Variants in SCAPER observed in about 807,000 individuals in gnomAD.
The protein encoded by SCAPER is S-phase cyclin A associated protein in the ER.
A neutral mutation model predicts 182.2 loss-of-function variants in SCAPER; 98 were observed. That is an observed-to-expected ratio of 0.54 (90% CI 0.46 to 0.64). The LOEUF is 0.64. SCAPER is among the 30% of genes least tolerant of loss of function. The probability of loss-of-function intolerance (pLI) is 0.00; values close to 1 mark genes in which losing one functional copy is unlikely to be tolerated. For missense variants in SCAPER, 1,432 were observed against 1,690.0 expected (o/e 0.85, Z 2.68); for synonymous variants, 605 against 564.6 (o/e 1.07, Z -1.01).
At chr15:76,702,008 A>G (rs77184797) in intron 19 of SCAPER, 143 bp from the exon 20 acceptor site, 12 of 523,392 alleles carry the variant, frequency 2.3e-5, no homozygotes, top group Middle Eastern at 4.6e-4. Context: ...TCCTCAGAAC[A>G]TAATTCTGAG....
At chr15:76,591,344 T>C (rs1456730000) in intron 22 of SCAPER, among the ~76,000 whole-genome samples, 10 of 152,154 alleles carry the variant, frequency 6.6e-5, no homozygotes, top group Non-Finnish European at 1.3e-4. Flanking sequence ...ATTACATATA[T>C]ACAATGTCAT....
intron 27 of SCAPER, among the ~76,000 whole-genome samples, chr15:76,400,796 G>A (rs1335399467): frequency 4.6e-5 from 7 of 152,030 alleles, no homozygotes; most frequent in Admixed American, 4.6e-4. Flanking sequence ...AATTATAATG[G>A]AGATAAATAG....
chr15:76,868,294 G>A (rs1287656706), intron 2 of SCAPER, among the ~76,000 whole-genome samples: 2 of 152,138 alleles, frequency 1.3e-5, no homozygotes, highest in African/African-American at 4.8e-5. Flanking sequence ...TCGAGAGGCA[G>A]AGGCAGGAGA....
chr15:76,439,713 G>C (rs2047433988), intron 25 of SCAPER, among the ~76,000 whole-genome samples: 1 of 152,112 alleles, frequency 6.6e-6, no homozygotes, highest in African/African-American at 2.4e-5. Flanking sequence ...CCTGAGTCTG[G>C]AACACATTCC....
At chr15:76,723,928 G>A (rs1416258869) in intron 17 of SCAPER, among the ~76,000 whole-genome samples, 1 of 152,110 alleles carries the variant, frequency 6.6e-6, no homozygotes, top group African/African-American at 2.4e-5. Context: ...TTACATTTAA[G>A]GTTAGTATTG....
intron 2 of SCAPER, among the ~76,000 whole-genome samples, chr15:76,878,216 A>G (rs907057031): frequency 1.3e-5 from 2 of 152,194 alleles, no homozygotes; most frequent in African/African-American, 4.8e-5. Context: ...TATATATCAT[A>G]TATGGATGTA....
chr15:76,415,567 A>C (rs2045589354), intron 26 of SCAPER, among the ~76,000 whole-genome samples: 1 of 152,236 alleles, frequency 6.6e-6, no homozygotes, highest in African/African-American at 2.4e-5. Flanking sequence ...CAACATAAAT[A>C]AATATAAAAA....
chr15:76,632,583 C>A (rs1356601548), intron 21 of SCAPER, among the ~76,000 whole-genome samples: 2 of 152,162 alleles, frequency 1.3e-5, no homozygotes, highest in Admixed American at 1.3e-4. Context: ...TATTACCCAT[C>A]TTCTGAAGCC....
chr15:76,527,554 T>C (rs1229878003), intron 23 of SCAPER, among the ~76,000 whole-genome samples: 2 of 152,362 alleles, frequency 1.3e-5, no homozygotes, highest in East Asian at 3.9e-4. Flanking sequence ...CCTATTAAGC[T>C]GCTGTAATCA....
intron 3 of SCAPER, 110 bp from the exon 4 acceptor site, chr15:76,857,989 G>T (rs2071551693): frequency 4.1e-6 from 3 of 729,412 alleles, no homozygotes; most frequent in Non-Finnish European, 6.7e-6. Flanking sequence ...AATCATTCAG[G>T]CATACTAACA....
intron 17 of SCAPER, among the ~76,000 whole-genome samples, chr15:76,710,686 G>A (rs1363180815): frequency 1.3e-5 from 2 of 152,064 alleles, no homozygotes; most frequent in African/African-American, 4.8e-5. Context: ...ATATTGTAAA[G>A]ATGTCAATCT....
At chr15:76,826,069 T>A (rs895888208) in intron 5 of SCAPER, among the ~76,000 whole-genome samples, 1 of 152,134 alleles carries the variant, frequency 6.6e-6, no homozygotes, top group African/African-American at 2.4e-5. Context: ...TTTTCTATGT[T>A]GCAGTCATTA....
Position 76,774,866 on chromosome 15 carries a change from C to T in SCAPER, c.1024G>A (p.Glu342Lys), listed in dbSNP as rs777600548. The T allele has an allele frequency of 5.0e-6, 8 of 1,607,530 alleles. No homozygotes were observed. The highest frequency in any genetic ancestry group is 5.9e-6 in the Non-Finnish European group (7 of 1,177,474). The change falls in exon 9 of 32, where the codon GAA becomes AAA. Residue 342 changes from glutamate to lysine, a missense_variant. Transcript: ENST00000563290. ...SLHSCDHPLA[E>K]KTQFTVSTLD... ...TCAGAATGTACTACCTGGGTTTTTT[C>T]GGCAAGAGGATGGTCACAAGAGTGT...
intron 1 of SCAPER, among the ~76,000 whole-genome samples, chr15:76,888,946 A>C (rs2074011146): frequency 6.6e-6 from 1 of 152,258 alleles, no homozygotes; most frequent in African/African-American, 2.4e-5. Context: ...GGTTATTCAC[A>C]AAGGGAAGCC....
intron 18 of SCAPER, among the ~76,000 whole-genome samples, 152 bp from the exon 19 acceptor site, chr15:76,703,154 C>T (rs1466291611): frequency 2.0e-5 from 3 of 152,166 alleles, no homozygotes; most frequent in Non-Finnish European, 4.4e-5. Flanking sequence ...ACACAAAGCC[C>T]TTTAATATCA....
At chr15:76,605,038 G>C (rs1457299554) in intron 22 of SCAPER, among the ~76,000 whole-genome samples, 3 of 152,104 alleles carry the variant, frequency 2.0e-5, no homozygotes, top group Non-Finnish European at 2.9e-5. Flanking sequence ...TGATTGCCCT[G>C]GCCAGAATTT....
At chr15:76,614,983 T>C (rs951656812) in intron 22 of SCAPER, among the ~76,000 whole-genome samples, 1 of 152,194 alleles carries the variant, frequency 6.6e-6, no homozygotes, top group Non-Finnish European at 1.5e-5. Context: ...AGAGTACTAT[T>C]AACAACTGTA....
At chr15:76,351,744 T>C (rs544799492) in intron 30 of SCAPER, among the ~76,000 whole-genome samples, 1 of 152,322 alleles carries the variant, frequency 6.6e-6, no homozygotes, top group African/African-American at 2.4e-5. Flanking sequence ...TATTTTAATA[T>C]CATTTTCTAG....
rs140626723 is a variant in SCAPER, at chr15:76,805,504, G to A, written c.394-871C>T. 8.6e-5 allele frequency among the ~76,000 whole-genome samples: 13 copies of A among 150,782 alleles called. 1 individual carries two copies. Among genetic ancestry groups the A allele is most frequent in the Admixed American group, 1.3e-4 (2 of 15,162 alleles). On this transcript the variant is annotated intron_variant, in intron 5 of 31. Coordinates refer to ENST00000563290, the MANE Select transcript of SCAPER (RefSeq NM_020843.4). ...CATTGGGGGTTATGTGCATTTCTCC[G>A]ATGACTAATAACTTTGTGCCTCTTT...
Sources: gnomAD v4.1 joint callset for allele counts (sites outside exome capture counted in the v4.1 genomes callset) on GRCh38, gnomAD v4.1.1 for gene constraint, MANE v1.5 for transcripts, NCBI Gene and HGNC (gene_info 2026-07-23, HGNC 2026-07-21) for gene names.